The following NHSL1 variants were observed in gnomAD, a reference collection of about 807,000 sequenced individuals.
The protein encoded by NHSL1 is NHS-like protein 1.
In NHSL1, 48 loss-of-function variants were observed where a neutral mutation model predicts 95.0. The ratio of observed to expected loss-of-function variants is 0.51; its 90% CI spans 0.40 to 0.64. The LOEUF is 0.64. Among genes scored for constraint, NHSL1 ranks in the 30% least tolerant of loss-of-function variants. The pLI is 0.00. For missense variants in NHSL1, 1,971 were observed against 2,077.7 expected (o/e 0.95, Z 1.00); for synonymous variants, 783 against 833.9 (o/e 0.94, Z 1.05).
At chr6:138,429,866 A>AT (rs1310637180) in intron 6 of NHSL1, 23 bp from the exon 7 acceptor site, 5 of 1,540,134 alleles carry the variant, frequency 3.2e-6, no homozygotes, top group Middle Eastern at 3.5e-4. Flanking sequence ...AGGCAGGCAT[A>AT]CAAGACGCAC....
intron 1 of NHSL1, among the ~76,000 whole-genome samples, chr6:138,612,109 C>CAAAAAAAAAAAAAAAAAAAAAA (rs368848438): frequency 1.4e-5 from 1 of 73,492 alleles, no homozygotes; most frequent in Non-Finnish European, 2.7e-5. Flanking sequence ...GACTCCATCT[C>CAAAAAAAAAAAAAAAAAAAAAA]AAAAAAAAAA....
chr6:138,499,644 C>A, upstream of NHSL1: 1 of 213,360 alleles, frequency 4.7e-6, no homozygotes, highest in South Asian at 9.5e-5. Flanking sequence ...AGTTTTCTCT[C>A]CAACAGATCA....
At chr6:138,570,546 A>T (rs1783801164) in intron 1 of NHSL1, among the ~76,000 whole-genome samples, 1 of 152,258 alleles carries the variant, frequency 6.6e-6, no homozygotes, top group African/African-American at 2.4e-5. Flanking sequence ...TACAATAAAC[A>T]ACTGATATCT....
intron 1 of NHSL1, among the ~76,000 whole-genome samples, chr6:138,665,639 AATT>A: frequency 6.6e-6 from 1 of 152,326 alleles, no homozygotes; most frequent in Admixed American, 6.5e-5. Context: ...TTATATTCCA[AATT>A]ATTAATACTA....
chr6:138,532,163 T>A (rs1393399192), intron 1 of NHSL1, among the ~76,000 whole-genome samples: 2 of 152,050 alleles, frequency 1.3e-5, no homozygotes, highest in Non-Finnish European at 2.9e-5. Flanking sequence ...AGGCAGAGGG[T>A]CCTGGCACGT....
chr6:138,605,571 C>G (rs1297578749), intron 1 of NHSL1, among the ~76,000 whole-genome samples: 2 of 152,216 alleles, frequency 1.3e-5, no homozygotes, highest in Non-Finnish European at 2.9e-5. Context: ...TAAAACTGTT[C>G]TAGCTCCAGC....
At chr6:138,475,944 C>T (rs907612216) in intron 2 of NHSL1, among the ~76,000 whole-genome samples, 3 of 152,082 alleles carry the variant, frequency 2.0e-5, no homozygotes, top group Admixed American at 6.6e-5. Context: ...GCCTGGGCAA[C>T]AGAGTGAGAC....
intron 1 of NHSL1, among the ~76,000 whole-genome samples, chr6:138,508,980 A>G (rs1365886194): frequency 1.3e-5 from 2 of 152,232 alleles, no homozygotes; most frequent in South Asian, 2.1e-4. Flanking sequence ...AGGCTATACT[A>G]GGTATATAAA....
chr6:138,500,859 C>T (rs1410789401), upstream of NHSL1, among the ~76,000 whole-genome samples: 1 of 152,176 alleles, frequency 6.6e-6, no homozygotes, highest in Non-Finnish European at 1.5e-5. Flanking sequence ...TACATATTAT[C>T]ACAGATTTCC....
At chr6:138,425,029 A>C (rs552917811) in intron 7 of NHSL1, among the ~76,000 whole-genome samples, 2 of 152,214 alleles carry the variant, frequency 1.3e-5, no homozygotes, top group South Asian at 4.2e-4. Flanking sequence ...TAGGAGTTCG[A>C]GACCAGCCTG....
intron 1 of NHSL1, among the ~76,000 whole-genome samples, chr6:138,516,066 A>C (rs1002829400): frequency 6.6e-6 from 1 of 152,226 alleles, no homozygotes; most frequent in Admixed American, 6.5e-5. Flanking sequence ...TGCAAAGCAG[A>C]TGCACATGAC....
chr6:138,650,312 G>T, intron 1 of NHSL1: 2 of 787,054 alleles, frequency 2.5e-6, no homozygotes, highest in Non-Finnish European at 4.4e-6. Context: ...GGTACTTCCA[G>T]CAGTGAATCC....
chr6:138,692,217 G>T lies in NHSL1; in HGVS notation c.96+259C>A. The T allele has an allele frequency of 2.2e-6, 1 of 456,574 alleles. No individual in the cohort carries two copies. The highest frequency in any genetic ancestry group is 2.3e-5 in the Admixed American group (1 of 42,580). 28.3% of individuals were successfully genotyped at this position (456,574 alleles called of 1,614,324 possible). On this transcript the variant is annotated intron_variant, in intron 1 of 3. Transcript: ENST00000491526. The surrounding 1 kb of genome is among the most constrained non-coding windows in gnomAD (Gnocchi z 4.0). ...AGACAGACAGAAGGAGCAGACAAGGGGACTGTCCAATTCCCACCCTCCGCG... is the reference window on the plus strand; with the variant it reads ...AGACAGACAGAAGGAGCAGACAAGGTGACTGTCCAATTCCCACCCTCCGCG...
chr6:138,550,196 G>A (rs573608288), upstream of NHSL1, among the ~76,000 whole-genome samples: 1 of 152,060 alleles, frequency 6.6e-6, no homozygotes, highest in Non-Finnish European at 1.5e-5. Flanking sequence ...CTGGGATCGT[G>A]CCACTGTATT....
At chr6:138,690,155 C>T (rs1376935223) in intron 1 of NHSL1, among the ~76,000 whole-genome samples, 3 of 152,182 alleles carry the variant, frequency 2.0e-5, no homozygotes, top group Non-Finnish European at 4.4e-5. Flanking sequence ...AAAGTCTAGC[C>T]ATCCATACTA....
At chr6:138,590,289 C>T (rs1277128243) in intron 1 of NHSL1, among the ~76,000 whole-genome samples, 5 of 152,204 alleles carry the variant, frequency 3.3e-5, no homozygotes, top group East Asian at 1.9e-4. Flanking sequence ...TAAGCCACTG[C>T]GCCCGGCCTA....
At chr6:138,666,590 C>CAAAAAAAAAA (rs10564684) in intron 1 of NHSL1, among the ~76,000 whole-genome samples, 1 of 89,310 alleles carries the variant, frequency 1.1e-5, no homozygotes. Context: ...GCCTCCATCT[C>CAAAAAAAAAA]AAAAAAAAAA....
chr6:138,455,478 ACATGCTCCCTGCAAGGAG>A (rs1777529496), intron 3 of NHSL1, among the ~76,000 whole-genome samples: 1 of 25,554 alleles, frequency 3.9e-5, no homozygotes, highest in Admixed American at 3.6e-4. Context: ...CCCCGCCTTC[ACATGCTCCCTGCAAGGAG>A]CCCCGCCTTC....
chr6:138,457,578 TG>T (rs1265947935), intron 3 of NHSL1, among the ~76,000 whole-genome samples: 1 of 152,224 alleles, frequency 6.6e-6, no homozygotes, highest in Non-Finnish European at 1.5e-5. Context: ...AGATGATTTT[TG>T]TAAGAAATAC....
Sources: gnomAD v4.1 joint callset for allele counts (sites outside exome capture counted in the v4.1 genomes callset) on GRCh38, gnomAD v4.1.1 for gene constraint, Gnocchi (gnomAD v3.1) non-coding constraint, MANE v1.5 for transcripts, NCBI Gene and HGNC (gene_info 2026-07-23, HGNC 2026-07-21) for gene names.